ISCU: variants seen among roughly 807,000 people sequenced by gnomAD.
ISCU encodes iron-sulfur cluster assembly enzyme ISCU.
A neutral mutation model predicts 18.4 loss-of-function variants in ISCU; 13 were observed. That is an observed-to-expected ratio of 0.71 (90% CI 0.46 to 1.12). The LOEUF is 1.12. Ranked by LOEUF, ISCU falls within the 50% of genes most tolerant of loss-of-function variation. The probability of loss-of-function intolerance (pLI) is 0.00; values close to 1 mark genes in which losing one functional copy is unlikely to be tolerated. For synonymous variants in ISCU, 104 were observed against 87.5 expected (o/e 1.19, Z -1.06); for missense variants, 229 against 208.7 (o/e 1.10, Z -0.60).
rs77142097 is a variant in ISCU at position 108,565,751 on chromosome 12, T to C, written c.339+320T>C. On this transcript the variant is annotated intron_variant, in intron 3 of 4. Transcript: ENST00000311893. ...AATTTCTCAAGTCAGAGAGTTGTTA[T>C]AAGGTAGTTATTTTCTTGTTTATTT... Among the ~76,000 whole-genome samples the C allele has an allele frequency of 4.9e-3, 747 of 152,338 alleles. 8 individuals carry two copies. Among genetic ancestry groups the C allele is most frequent in the African/African-American group, 0.016 (668 of 41,578 alleles).
At chr12:108,567,901 C>T (rs1403728707) in intron 4 of ISCU, 3 of 1,415,590 alleles carry the variant, frequency 2.1e-6, no homozygotes, top group Middle Eastern at 1.7e-4. Context: ...CTTTTTCCAT[C>T]ATTTCTTAAC....
upstream of ISCU, among the ~76,000 whole-genome samples, chr12:108,562,403 A>G (rs567959301): frequency 1.2e-4 from 19 of 152,380 alleles, no homozygotes; most frequent in South Asian, 3.5e-3. Flanking sequence ...ACCCAGGACA[A>G]GCCCTCCAGC....
Position 108,568,934 on chromosome 12 carries a change from C to T in ISCU, c.*18C>T, listed in dbSNP as rs1163205130. 33 of 1,599,548 alleles carry T rather than the reference C, an allele frequency of 2.1e-5. No homozygotes were observed. The highest frequency in any genetic ancestry group is 2.8e-5 in the Non-Finnish European group (33 of 1,171,726). ...AGAAATGAGCCCTCCCTCGGCGAAG[C>T]CTCCAGCAGGCCACACCAGCTGTTT... On this transcript the variant is annotated 3_prime_UTR_variant, in exon 5 of 5. Coordinates refer to ENST00000311893, the MANE Select transcript of ISCU (RefSeq NM_213595.4).
intron 2 of ISCU, among the ~76,000 whole-genome samples, 189 bp downstream of exon 2, chr12:108,564,581 TGCTAG>T (rs2030801558): frequency 6.6e-6 from 1 of 152,246 alleles, no homozygotes. Context: ...GTAGCTCTCC[TGCTAG>T]GCTAGTGTAC....
rs918807914 is a variant in ISCU, at chr12:108,562,630, C to G, written c.8C>G (p.Ala3Gly). Residue 3 changes from alanine (A) to glycine (G), a missense_variant, in exon 1 of 5, where the codon GCG becomes GGG. Transcript: ENST00000311893. Reference protein sequence around the residue: MAAAGAFRLRRAA... With the variant: MAGAGAFRLRRAA... ...CAGGCGCAAGCCGGCAAGATGGCGG[C>G]GGCTGGGGCTTTCCGTCTGAGGCGG... is the stretch of plus-strand genomic sequence containing the variant. The G allele has an allele frequency of 6.8e-7, 1 of 1,469,826 alleles. No individual in the cohort carries two copies. The highest frequency in any genetic ancestry group is 9.0e-7 in the Non-Finnish European group (1 of 1,116,860). 91.0% of individuals were successfully genotyped at this position (1,469,826 alleles called of 1,614,324 possible).
At chr12:108,565,586 GT>G (rs1282582748) in intron 3 of ISCU, among the ~76,000 whole-genome samples, 155 bp downstream of exon 3, 2 of 151,942 alleles carry the variant, frequency 1.3e-5, no homozygotes, top group African/African-American at 2.4e-5. Flanking sequence ...TGTTGTTTGG[GT>G]TTTTTTCTTG....
chr12:108,567,967 T>C (rs868004326), intron 4 of ISCU: 14 of 1,493,284 alleles, frequency 9.4e-6, no homozygotes, highest in Middle Eastern at 1.7e-4. Context: ...GATGGAGGTT[T>C]ACTAACCAAA....
intron 1 of ISCU, chr12:108,564,030 CAT>C (rs746816735): frequency 7.1e-7 from 1 of 1,412,948 alleles, no homozygotes; most frequent in Non-Finnish European, 1.0e-6. Flanking sequence ...GGAACTAAGA[CAT>C]GATTTCACTG....
intron 4 of ISCU, chr12:108,568,312 C>T (rs1231317249): frequency 4.6e-6 from 5 of 1,096,708 alleles, no homozygotes; most frequent in Non-Finnish European, 5.6e-6. Context: ...ATATTGACTC[C>T]TAAATAAAAG....
rs11548233 is a variant in ISCU, at chr12:108,562,644, C to A, written c.22C>A (p.Arg8Ser). Residue 8 changes from arginine to serine, a missense_variant, in exon 1 of 5, where the codon CGT (arginine) becomes AGT (serine). Transcript: ENST00000311893. Reference protein sequence around the residue: MAAAGAFRLRRAASALLL... With the variant: MAAAGAFSLRRAASALLL... ...CAAGATGGCGGCGGCTGGGGCTTTC[C>A]GTCTGAGGCGGGCGGCATCGGCTCT... 7 of 1,482,142 alleles carry A rather than the reference C, an allele frequency of 4.7e-6. No individual in the cohort carries two copies. The highest frequency in any genetic ancestry group is 2.8e-5 in the East Asian group (1 of 35,654). The allele number at this position is 1,482,142 out of a possible 1,614,324, so 91.8% of individuals were successfully genotyped here.
intron 4 of ISCU, chr12:108,568,100 T>G (rs1375499187): frequency 1.0e-5 from 14 of 1,381,154 alleles, no homozygotes; most frequent in Non-Finnish European, 1.1e-5. Flanking sequence ...CTAAGTTCTT[T>G]CCACTTGATC....
intron 4 of ISCU, chr12:108,567,513 A>G: frequency 1.3e-6 from 1 of 772,350 alleles, no homozygotes; most frequent in South Asian, 1.6e-5. Context: ...CGTAATTTCT[A>G]AACCTCACAA....
chr12:108,568,973 C>A lies in ISCU; in HGVS notation c.*57C>A. On this transcript the variant is annotated 3_prime_UTR_variant, in exon 5 of 5. Transcript: ENST00000311893. Reference sequence around the variant, plus strand: ...CACCAGCTGTTTCCCACCTGCTGTGCAGTCACCTTAGATGTTCAGAAGCCG... The same window carrying A: ...CACCAGCTGTTTCCCACCTGCTGTGAAGTCACCTTAGATGTTCAGAAGCCG... 6.9e-7 allele frequency: 1 copy of A among 1,442,294 alleles called. No homozygotes were observed. Among genetic ancestry groups the A allele is most frequent in the Non-Finnish European group, 9.6e-7 (1 of 1,038,774 alleles). The allele number at this position is 1,442,294 out of a possible 1,614,324, so 89.3% of individuals were successfully genotyped here. A position where few individuals can be genotyped will look rare whatever the true frequency, so the allele number is the denominator to read the frequency against.
upstream of ISCU, among the ~76,000 whole-genome samples, chr12:108,562,368 G>A (rs1025038555): frequency 5.9e-5 from 9 of 152,354 alleles, no homozygotes; most frequent in African/African-American, 2.2e-4. Flanking sequence ...GAAGCCCTGA[G>A]GTCCTGTCTC....
In ISCU at chr12:108,568,943, G is replaced by T; in HGVS notation, c.*27G>T. 6.3e-7 allele frequency: 1 copy of T among 1,587,854 alleles called. No homozygotes were observed. On this transcript the variant is annotated 3_prime_UTR_variant, in exon 5 of 5. Coordinates refer to ENST00000311893, the MANE Select transcript of ISCU (RefSeq NM_213595.4). Reference sequence around the variant, plus strand: ...CCCTCCCTCGGCGAAGCCTCCAGCAGGCCACACCAGCTGTTTCCCACCTGC... The same window carrying T: ...CCCTCCCTCGGCGAAGCCTCCAGCATGCCACACCAGCTGTTTCCCACCTGC...
Position 108,568,985 on chromosome 12 carries a change from A to G in ISCU, c.*69A>G, listed in dbSNP as rs2031030125. The G allele has an allele frequency of 7.4e-7, 1 of 1,355,938 alleles. No homozygotes were observed. 84.0% of individuals were successfully genotyped at this position (1,355,938 alleles called of 1,614,324 possible). A position where few individuals can be genotyped will look rare whatever the true frequency, so the allele number is the denominator to read the frequency against. On this transcript the variant is annotated 3_prime_UTR_variant, in exon 5 of 5. Coordinates refer to ENST00000311893, the MANE Select transcript of ISCU (RefSeq NM_213595.4). ...CCCACCTGCTGTGCAGTCACCTTAG[A>G]TGTTCAGAAGCCGCTTCCTCTCCAC... is the stretch of plus-strand genomic sequence containing the variant.
Position 108,562,677 on chromosome 12 carries a change from C to T in ISCU, c.55C>T (p.Arg19Trp), listed in dbSNP as rs1445161770. ...GCGGGCGGCATCGGCTCTGCTGCTG[C>T]GGAGCCCCCGCCTGCCCGCCCGGGA... is the stretch of plus-strand genomic sequence containing the variant. ...LRRAASALLL[R>W]SPRLPARELS... is the part of the protein sequence containing the mutation. The change falls in exon 1 of 5, where the codon CGG (arginine) becomes TGG (tryptophan). Residue 19 changes from arginine to tryptophan, a missense_variant. Arg to Trp is a moderately radical substitution (Grantham distance 101). Transcript: ENST00000311893. 12 of 1,452,186 alleles carry T rather than the reference C, an allele frequency of 8.3e-6. No homozygotes were observed. The highest frequency in any genetic ancestry group is 1.1e-5 in the Non-Finnish European group (12 of 1,110,292). The allele number at this position is 1,452,186 out of a possible 1,614,324, so 90.0% of individuals were successfully genotyped here. A position where few individuals can be genotyped will look rare whatever the true frequency, so the allele number is the denominator to read the frequency against.
chr12:108,563,643 G>T (rs893547797), intron 1 of ISCU: 2 of 256,434 alleles, frequency 7.8e-6, no homozygotes, highest in Admixed American at 1.0e-4. Context: ...TTCTCCAAGG[G>T]CTTCTTCACT....
intron 3 of ISCU, 121 bp downstream of exon 3, chr12:108,565,552 G>A (rs1035727829): frequency 8.4e-6 from 6 of 710,440 alleles, no homozygotes; most frequent in Non-Finnish European, 1.5e-5. Context: ...CTTCAAATTG[G>A]GAATTATGGA....
Sources: allele counts gnomAD v4.1 joint callset (sites outside exome capture counted in the v4.1 genomes callset), GRCh38; gene constraint gnomAD v4.1.1; transcripts MANE v1.5; gene names NCBI Gene and HGNC (gene_info 2026-07-23, HGNC 2026-07-21).